The following PLCH1 variants were observed in gnomAD, a reference collection of about 807,000 sequenced individuals.
PLCH1 encodes the protein phospholipase C eta 1.
PLCH1 carries 60 observed loss-of-function variants against 126.7 expected under a neutral mutation model. That is an observed-to-expected ratio of 0.47 (90% CI 0.38 to 0.59). PLCH1 has a LOEUF of 0.59. Among genes scored for constraint, PLCH1 ranks in the 20% least tolerant of loss-of-function variants. The pLI, the probability that PLCH1 is intolerant of heterozygous loss-of-function variation, is 0.00. For synonymous variants in PLCH1, 719 were observed against 734.9 expected (o/e 0.98, Z 0.35); for missense variants, 1,723 against 2,040.0 (o/e 0.84, Z 2.99).
In PLCH1 at chr3:155,663,645, C is replaced by T. The variant is rs188655470; in HGVS notation, c.79+40501G>A. Reference sequence around the variant, plus strand: ...CTCCCACTTAGTTGTGTGTGCCTCACGCAGGGGCTATGGCTTATTTACCCA... The same window carrying T: ...CTCCCACTTAGTTGTGTGTGCCTCATGCAGGGGCTATGGCTTATTTACCCA... On this transcript the variant is annotated intron_variant, in intron 2 of 22. Coordinates refer to ENST00000460012, the MANE Select transcript of PLCH1 (RefSeq NM_014996.4). 6.6e-5 allele frequency among the ~76,000 whole-genome samples: 10 copies of T among 152,254 alleles called. No individual in the cohort carries two copies. The East Asian group carries it at 9.7e-4, about 15-fold the overall frequency.
At chr3:155,469,720 T>G (rs1321979210) in intron 21 of PLCH1, among the ~76,000 whole-genome samples, 1 of 151,788 alleles carries the variant, frequency 6.6e-6, no homozygotes, top group Non-Finnish European at 1.5e-5. Flanking sequence ...AGCACGCAGC[T>G]GGAGATCTGA....
intron 2 of PLCH1, among the ~76,000 whole-genome samples, chr3:155,699,354 G>A (rs1489588959): frequency 2.6e-5 from 4 of 152,312 alleles, no homozygotes; most frequent in Middle Eastern, 3.4e-3. Flanking sequence ...TGGGATTACA[G>A]GCGTGAACCA....
intron 8 of PLCH1, among the ~76,000 whole-genome samples, chr3:155,557,692 T>C (rs1416498264): frequency 6.6e-6 from 1 of 152,166 alleles, no homozygotes; most frequent in African/African-American, 2.4e-5. Context: ...CTCTGTCCAA[T>C]TCCCCTGCTC....
intron 12 of PLCH1, among the ~76,000 whole-genome samples, chr3:155,512,022 C>A (rs1180956962): frequency 1.3e-5 from 2 of 151,250 alleles, no homozygotes; most frequent in Non-Finnish European, 2.9e-5. Flanking sequence ...GGCGTAGGAC[C>A]CTCTGAGCCA....
At chr3:155,704,053 A>G (rs1031844219) in intron 2 of PLCH1, 93 bp downstream of exon 2, 7 of 492,536 alleles carry the variant, frequency 1.4e-5, no homozygotes, top group Middle Eastern at 5.6e-4. Flanking sequence ...CCATCCAACA[A>G]TTATACCATA....
At position 155,638,012 on chromosome 3, in the gene PLCH1, G is replaced by A. The variant is rs193212915; in HGVS notation, c.80-41634C>T. Among the ~76,000 whole-genome samples the A allele has an allele frequency of 3.5e-4, 53 of 152,316 alleles. 1 individual carries two copies. Among genetic ancestry groups the A allele is most frequent in the South Asian group, 1.0e-3 (5 of 4,828 alleles). On this transcript the variant is annotated intron_variant, in intron 2 of 22. Transcript: ENST00000460012. ...TGCACACGATCTGCACATGTTTACC[G>A]TCAAATCAAAGCTTGATGATAAACA...
intron 10 of PLCH1, among the ~76,000 whole-genome samples, chr3:155,524,256 A>C (rs1226436348): frequency 2.0e-5 from 3 of 152,240 alleles, no homozygotes; most frequent in Non-Finnish European, 4.4e-5. Flanking sequence ...CATTTATATC[A>C]AATTCATAGA....
At chr3:155,710,027 A>T (rs544413946) in intron 1 of PLCH1, among the ~76,000 whole-genome samples, 13 of 152,112 alleles carry the variant, frequency 8.5e-5, no homozygotes, top group African/African-American at 3.1e-4. Context: ...TCACTCCGTC[A>T]CCCAGGCTGG....
intron 1 of PLCH1, among the ~76,000 whole-genome samples, chr3:155,720,696 C>A (rs575073666): frequency 1.3e-5 from 2 of 152,256 alleles, no homozygotes; most frequent in South Asian, 2.1e-4. Flanking sequence ...CTGATTATTT[C>A]TTTTGCTGTG....
rs1816522 is a variant in PLCH1, at chr3:155,482,774, G to A, written c.3252C>T (p.Pro1084=). The change falls in exon 23 of 23, where the codon CCC becomes CCT. Residue 1084 remains proline (P), a synonymous_variant. Coordinates refer to ENST00000460012, the MANE Select transcript of PLCH1 (RefSeq NM_014996.4). ...KSLSPKQHLA[P]DPVVNPTQDL... Reference sequence around the variant, plus strand: ...CTTGTGTGGGGTTAACTACAGGATCGGGAGCCAAATGCTGCTTTGGGGAGA... The same window carrying A: ...CTTGTGTGGGGTTAACTACAGGATCAGGAGCCAAATGCTGCTTTGGGGAGA... 439 of 1,614,032 alleles carry A rather than the reference G, an allele frequency of 2.7e-4. 2 individuals carry two copies. In the East Asian group the frequency reaches 4.3e-3, roughly 16 times the overall value.
intron 10 of PLCH1, among the ~76,000 whole-genome samples, chr3:155,526,901 CA>C (rs1368782650): frequency 6.6e-6 from 1 of 152,196 alleles, no homozygotes; most frequent in Non-Finnish European, 1.5e-5. Flanking sequence ...CTGAAGATAC[CA>C]TTTCCAACAC....
intron 2 of PLCH1, among the ~76,000 whole-genome samples, chr3:155,610,888 G>C (rs1464201143): frequency 1.3e-5 from 2 of 151,942 alleles, no homozygotes; most frequent in Non-Finnish European, 2.9e-5. Context: ...AATATAAATG[G>C]CCTAAATGCT....
intron 10 of PLCH1, among the ~76,000 whole-genome samples, chr3:155,533,376 G>T (rs980339934): frequency 1.3e-5 from 2 of 150,956 alleles, no homozygotes; most frequent in Non-Finnish European, 3.0e-5. Flanking sequence ...GTGAAACCCC[G>T]TTTCTACTAA....
At chr3:155,578,588 C>T (rs987012208) in intron 6 of PLCH1, among the ~76,000 whole-genome samples, 16 of 152,132 alleles carry the variant, frequency 1.1e-4, no homozygotes, top group Admixed American at 1.0e-3. Flanking sequence ...ATCAAAGATA[C>T]TTCTCAGGAA....
intron 1 of PLCH1, among the ~76,000 whole-genome samples, chr3:155,735,465 C>T (rs561031780): frequency 6.6e-6 from 1 of 152,200 alleles, no homozygotes; most frequent in East Asian, 1.9e-4. Flanking sequence ...GAAACCCCAT[C>T]TCTACTAAAA....
At chr3:155,643,854 C>A (rs1739694958) in intron 2 of PLCH1, among the ~76,000 whole-genome samples, 1 of 152,164 alleles carries the variant, frequency 6.6e-6, no homozygotes, top group Non-Finnish European at 1.5e-5. Context: ...GAGTGGCAAC[C>A]AAGTGCTTCG....
chr3:155,739,748 C>T (rs969610585), intron 1 of PLCH1, among the ~76,000 whole-genome samples: 1 of 152,184 alleles, frequency 6.6e-6, no homozygotes, highest in Non-Finnish European at 1.5e-5. Flanking sequence ...GTCTGTTCCA[C>T]GTTCGTCTGT....
intron 8 of PLCH1, among the ~76,000 whole-genome samples, chr3:155,560,178 T>A (rs1727381716): frequency 6.6e-6 from 1 of 152,114 alleles, no homozygotes. Flanking sequence ...CTTCATGGAG[T>A]CACTAAAAGT....
At chr3:155,606,321 A>G (rs2108703324) in intron 2 of PLCH1, among the ~76,000 whole-genome samples, 1 of 152,322 alleles carries the variant, frequency 6.6e-6, no homozygotes, top group South Asian at 2.1e-4. Context: ...GTTTTAGGAA[A>G]AAACTCTGTT....
Sources: gnomAD v4.1 joint callset for allele counts (sites outside exome capture counted in the v4.1 genomes callset) on GRCh38, gnomAD v4.1.1 for gene constraint, MANE v1.5 for transcripts, NCBI Gene and HGNC (gene_info 2026-07-23, HGNC 2026-07-21) for gene names.